Variants in ATP10B observed in about 807,000 individuals in gnomAD.
The protein encoded by ATP10B is phospholipid-transporting ATPase VB.
In ATP10B, 122 loss-of-function variants were observed where a neutral mutation model predicts 141.2. The ratio of observed to expected loss-of-function variants is 0.86; its 90% CI spans 0.75 to 1.00. ATP10B has a LOEUF of 1.00. Ranked by LOEUF, ATP10B falls within the 50% of genes least tolerant of loss-of-function variation. The probability of loss-of-function intolerance (pLI) is 0.00; values close to 1 mark genes in which losing one functional copy is unlikely to be tolerated. For synonymous variants in ATP10B, 685 were observed against 692.0 expected (o/e 0.99, Z 0.16); for missense variants, 1,876 against 1,825.3 (o/e 1.03, Z -0.51).
upstream of ATP10B, among the ~76,000 whole-genome samples, chr5:160,856,023 TTTA>T (rs1282635109): frequency 6.6e-6 from 1 of 151,844 alleles, no homozygotes; most frequent in African/African-American, 2.4e-5. Context: ...TTCCTTCCAC[TTTA>T]TTTTTTTTCA....
chr5:160,879,536 T>A, the ATP10B span, among the ~76,000 whole-genome samples: 10 of 129,298 alleles, frequency 7.7e-5, no homozygotes, highest in African/African-American at 1.6e-4. Context: ...TAAAGTAAAA[T>A]TAAAAAAAAA....
chr5:160,715,217 G>A (rs955773978), intron 3 of ATP10B, among the ~76,000 whole-genome samples: 78 of 132,998 alleles, frequency 5.9e-4, no homozygotes, highest in Admixed American at 5.1e-3. Flanking sequence ...CCCCAGCCTC[G>A]TTGCTGCCTT....
intron 1 of ATP10B, among the ~76,000 whole-genome samples, chr5:160,800,463 C>T (rs766354720): frequency 5.3e-5 from 8 of 152,154 alleles, no homozygotes; most frequent in Non-Finnish European, 1.2e-4. Context: ...GCAGAGAAGT[C>T]AGAAACTTGT....
intron 2 of ATP10B, among the ~76,000 whole-genome samples, chr5:160,781,850 G>A (rs1274841004): frequency 1.3e-5 from 2 of 152,112 alleles, no homozygotes; most frequent in East Asian, 3.9e-4. Flanking sequence ...TTGAGGCCAG[G>A]GTTGAGTGGT....
At chr5:160,865,919 G>T in the ATP10B span, among the ~76,000 whole-genome samples, 1 of 152,110 alleles carries the variant, frequency 6.6e-6, no homozygotes, top group Non-Finnish European at 1.5e-5. Flanking sequence ...AACAATAGAT[G>T]TTGGTGTGGA....
the ATP10B span, among the ~76,000 whole-genome samples, chr5:160,918,625 T>G: frequency 6.6e-6 from 1 of 152,210 alleles, no homozygotes; most frequent in Non-Finnish European, 1.5e-5. Context: ...ATTTTCTCAT[T>G]TCCCTTTCTT....
chr5:160,643,817 G>C (rs941336431), intron 9 of ATP10B, among the ~76,000 whole-genome samples: 1 of 152,176 alleles, frequency 6.6e-6, no homozygotes, highest in African/African-American at 2.4e-5. Context: ...TAAGTTTGGT[G>C]AGGTTATTCC....
At chr5:160,675,974 C>G (rs1166469325) in intron 6 of ATP10B, among the ~76,000 whole-genome samples, 5 of 152,032 alleles carry the variant, frequency 3.3e-5, no homozygotes, top group Admixed American at 3.3e-4. Context: ...CTGTGGAGAG[C>G]TGAGGATTAG....
chr5:160,598,964 C>T lies in ATP10B; in HGVS notation c.3370G>A (p.Val1124Ile), dbSNP rs758605751. The stretch of plus-strand genomic sequence containing the variant: ...AACTGATACCAGAAGAGCAGGTTGA[C>T]GTAGCACTGCAGGCAGAGAGCATGG... ...VYYLYKNVCY[V>I]NLLFWYQFFC... Residue 1124 changes from valine (V) to isoleucine (I), a missense_variant, in exon 22 of 26, where the codon GTC becomes ATC. Physicochemically the swap from Val to Ile is conservative, Grantham distance 29. Transcript: ENST00000327245. 1.2e-4 allele frequency: 199 copies of T among 1,613,818 alleles called. No individual in the cohort carries two copies. The highest frequency in any genetic ancestry group is 4.9e-4 in the Middle Eastern group (3 of 6,062).
chr5:160,799,927 A>G (rs1224909672), intron 1 of ATP10B, among the ~76,000 whole-genome samples: 2 of 152,350 alleles, frequency 1.3e-5, no homozygotes, highest in Admixed American at 1.3e-4. Context: ...AGTCTTTACC[A>G]GTTGTAACAA....
intron 6 of ATP10B, among the ~76,000 whole-genome samples, chr5:160,675,315 G>T (rs575044167): frequency 4.6e-5 from 7 of 152,284 alleles, no homozygotes; most frequent in Admixed American, 1.3e-4. Context: ...AACATGGCTC[G>T]GGATGAAGGC....
chr5:160,830,704 A>G (rs1373359196), intron 1 of ATP10B, among the ~76,000 whole-genome samples: 1 of 151,922 alleles, frequency 6.6e-6, no homozygotes, highest in Admixed American at 6.6e-5. Context: ...CATTATCTGT[A>G]GAGTAGATTT....
At chr5:160,827,551 T>C (rs1774710465) in intron 1 of ATP10B, among the ~76,000 whole-genome samples, 1 of 152,220 alleles carries the variant, frequency 6.6e-6, no homozygotes, top group African/African-American at 2.4e-5. Flanking sequence ...TAGACCTTTG[T>C]CAGATGCACA....
intron 21 of ATP10B, 116 bp downstream of exon 21, chr5:160,602,461 T>C (rs1438425518): frequency 7.2e-7 from 1 of 1,387,332 alleles, no homozygotes; most frequent in African/African-American, 1.4e-5. Flanking sequence ...TCTAACACTA[T>C]GCCAGCCTGA....
intron 3 of ATP10B, among the ~76,000 whole-genome samples, chr5:160,707,302 A>C (rs1378824068): frequency 6.6e-6 from 1 of 152,152 alleles, no homozygotes; most frequent in South Asian, 2.1e-4. Flanking sequence ...TGTGAGTCAC[A>C]CTTCTTCTGA....
intron 7 of ATP10B, among the ~76,000 whole-genome samples, chr5:160,662,735 G>C (rs1189217758): frequency 1.3e-5 from 2 of 152,152 alleles, no homozygotes; most frequent in Non-Finnish European, 2.9e-5. Context: ...CATAGGCATG[G>C]GCAAGGACTT....
intron 2 of ATP10B, among the ~76,000 whole-genome samples, chr5:160,736,311 G>A (rs186793067): frequency 1.9e-3 from 289 of 152,264 alleles, no homozygotes; most frequent in African/African-American, 6.7e-3. Flanking sequence ...TCAAAGGATC[G>A]TTAGTGGCTG....
intron 21 of ATP10B, 55 bp from the exon 22 acceptor site, chr5:160,599,025 A>G (rs1300729209): frequency 6.4e-7 from 1 of 1,571,026 alleles, no homozygotes; most frequent in African/African-American, 1.4e-5. Context: ...GCCGGTCACC[A>G]GCTCCTGCTT....
intron 2 of ATP10B, among the ~76,000 whole-genome samples, chr5:160,784,304 T>C (rs1770972682): frequency 6.6e-6 from 1 of 152,174 alleles, no homozygotes; most frequent in Non-Finnish European, 1.5e-5. Flanking sequence ...CTTGGGACAA[T>C]GAATTTGAGA....
Sources: allele counts gnomAD v4.1 joint callset (sites outside exome capture counted in the v4.1 genomes callset), GRCh38; gene constraint gnomAD v4.1.1; transcripts MANE v1.5; gene names NCBI Gene and HGNC (gene_info 2026-07-23, HGNC 2026-07-21).